SGSM1: variants seen among roughly 807,000 people sequenced by gnomAD.
SGSM1 encodes small G protein signaling modulator 1, also known as RUN and TBC1 domain containing 2.
In SGSM1, 73 loss-of-function variants were observed where a neutral mutation model predicts 133.8. The observed-to-expected ratio is 0.55, with a 90% CI of 0.45 to 0.66. The LOEUF (loss-of-function observed/expected upper bound fraction) is 0.66. Among genes scored for constraint, SGSM1 ranks in the 30% least tolerant of loss-of-function variants. The pLI is 0.00. For synonymous variants in SGSM1, 563 were observed against 573.0 expected (o/e 0.98, Z 0.25); for missense variants, 1,213 against 1,448.1 (o/e 0.84, Z 2.64).
intron 20 of SGSM1, among the ~76,000 whole-genome samples, chr22:24,903,488 A>G (rs1024798852): frequency 6.6e-6 from 1 of 152,158 alleles, no homozygotes; most frequent in African/African-American, 2.4e-5. Flanking sequence ...GATTACAGTC[A>G]TGAGCCATCG....
Position 24,919,914 on chromosome 22 carries a change from G to T in SGSM1, c.3114G>T (p.Ala1038=), listed in dbSNP as rs777302974. The T allele has an allele frequency of 5.6e-6, 9 of 1,613,976 alleles. 1 individual carries two copies. The Admixed American group carries it at 6.7e-5, about 12-fold the overall frequency. The change falls in exon 24 of 25, where the codon GCG becomes GCT. Residue 1038 remains alanine (A), a synonymous_variant. Coordinates refer to ENST00000400358, the MANE Select transcript of SGSM1 (RefSeq NM_001098497.3). ...CTGCGCACTACGTCCTGTTCATTGC[G>T]CTGGCTCTGGTGGAAGTCTACCGTG... ...VSSAHYVLFI[A]LALVEVYRDI...
intron 20 of SGSM1, among the ~76,000 whole-genome samples, chr22:24,903,982 A>C (rs1016682906): frequency 1.8e-5 from 1 of 55,910 alleles, no homozygotes; most frequent in Non-Finnish European, 3.1e-5. Flanking sequence ...CAACAAAAAG[A>C]AAAAAAAAAA....
chr22:24,823,031 C>T (rs907956900), intron 2 of SGSM1, among the ~76,000 whole-genome samples: 10 of 152,174 alleles, frequency 6.6e-5, no homozygotes, highest in African/African-American at 2.4e-4. Context: ...GTGCCAGGCT[C>T]AGTGCAGGAA....
chr22:24,835,846 G>A (rs938879345), intron 2 of SGSM1, among the ~76,000 whole-genome samples: 5 of 152,122 alleles, frequency 3.3e-5, no homozygotes, highest in Admixed American at 1.3e-4. Flanking sequence ...TGAGACGGGA[G>A]CCATGGAAGA....
chr22:24,911,781 G>C (rs566870122), intron 21 of SGSM1, among the ~76,000 whole-genome samples: 1 of 152,142 alleles, frequency 6.6e-6, no homozygotes. Context: ...GTCTCTAGGC[G>C]CGGTGGCTCA....
intron 9 of SGSM1, among the ~76,000 whole-genome samples, chr22:24,865,298 A>G (rs1266003294): frequency 3.3e-5 from 5 of 152,280 alleles, no homozygotes; most frequent in East Asian, 3.9e-4. Flanking sequence ...ACCCAGCGTG[A>G]TGGGCACACA....
At chr22:24,887,322 G>T (rs1932671893) in intron 16 of SGSM1, among the ~76,000 whole-genome samples, 1 of 151,946 alleles carries the variant, frequency 6.6e-6, no homozygotes, top group Non-Finnish European at 1.5e-5. Flanking sequence ...CTATAATTTT[G>T]TCATCTCAAG....
chr22:24,884,021 G>A lies in SGSM1; in HGVS notation c.1496-32G>A, dbSNP rs781117057. 5.7e-6 allele frequency: 9 copies of A among 1,569,928 alleles called. 1 individual carries two copies. Among genetic ancestry groups the A allele is most frequent in the Middle Eastern group, 3.7e-4 (2 of 5,376 alleles). On this transcript the variant is annotated intron_variant, in intron 14 of 24. Transcript: ENST00000400358. ...ACAAGGTGAGGGGCTTCAGGTGGTG[G>A]ATGATGACACTTTCCCTCCCTCCCT...
chr22:24,873,357 G>T (rs1243116941), intron 12 of SGSM1, among the ~76,000 whole-genome samples: 1 of 151,970 alleles, frequency 6.6e-6, no homozygotes, highest in Admixed American at 6.6e-5. Context: ...CTTGTGTGGG[G>T]GTTGCCTTGT....
At chr22:24,845,970 T>TC in intron 3 of SGSM1, among the ~76,000 whole-genome samples, 3 of 143,878 alleles carry the variant, frequency 2.1e-5, no homozygotes, top group Admixed American at 7.0e-5. Flanking sequence ...TCTTTCTTTC[T>TC]TTCTTTCTTT....
intron 20 of SGSM1, among the ~76,000 whole-genome samples, chr22:24,903,563 C>G (rs913582766): frequency 2.0e-5 from 3 of 151,992 alleles, no homozygotes; most frequent in Non-Finnish European, 2.9e-5. Context: ...ATAAGTGTTA[C>G]ATTAAAATGA....
intron 5 of SGSM1, 95 bp downstream of exon 5, chr22:24,850,527 T>C (rs1601920730): frequency 2.0e-6 from 3 of 1,498,156 alleles, no homozygotes. Flanking sequence ...GCTTTCTTTT[T>C]CCCCTTGACA....
At position 24,924,452 on chromosome 22, in the gene SGSM1, G is replaced by C. The variant is rs1934122888; in HGVS notation, c.*178G>C. The C allele has an allele frequency of 1.0e-5, 6 of 596,436 alleles. No homozygotes were observed. The Admixed American group carries it at 1.1e-4, about 11-fold the overall frequency. The allele number at this position is 596,436 out of a possible 1,614,324, so 36.9% of individuals were successfully genotyped here. Reference sequence around the variant, plus strand: ...TACTTCTGGGCAGATGGGGTGGAGGGAGTACCCCTTCAATTCAGCCTTACA... The same window carrying C: ...TACTTCTGGGCAGATGGGGTGGAGGCAGTACCCCTTCAATTCAGCCTTACA... On this transcript the variant is annotated 3_prime_UTR_variant, in exon 25 of 25. Transcript: ENST00000400358.
chr22:24,880,081 G>A (rs2147891874), intron 14 of SGSM1, among the ~76,000 whole-genome samples: 1 of 152,172 alleles, frequency 6.6e-6, no homozygotes, highest in African/African-American at 2.4e-5. Context: ...AAGCAGTAGA[G>A]CTGAGACTCA....
chr22:24,842,175 A>C (rs1225538982), intron 2 of SGSM1, among the ~76,000 whole-genome samples: 1 of 152,188 alleles, frequency 6.6e-6, no homozygotes, highest in Non-Finnish European at 1.5e-5. Flanking sequence ...GAGCAAAGGA[A>C]AGAAAGAGGT....
intron 10 of SGSM1, 31 bp downstream of exon 10, chr22:24,867,191 G>A (rs376230788): frequency 3.1e-5 from 50 of 1,606,188 alleles, no homozygotes; most frequent in South Asian, 1.9e-4. Flanking sequence ...AGGGGTCTGC[G>A]TATTCCTCTT....
chr22:24,829,787 C>T (rs57119124), intron 2 of SGSM1, among the ~76,000 whole-genome samples: 7,453 of 152,218 alleles, frequency 0.049, 635 homozygotes, highest in African/African-American at 0.17. Context: ...GTTCCTGGAA[C>T]GTAGTGAGTG....
At chr22:24,809,013 T>C (rs2051384412) in intron 2 of SGSM1, among the ~76,000 whole-genome samples, 9 of 152,204 alleles carry the variant, frequency 5.9e-5, no homozygotes, top group Admixed American at 5.9e-4. Flanking sequence ...GAGAACACTG[T>C]GGCCCAGAGA....
At chr22:24,850,551 A>G (rs1280345573) in intron 5 of SGSM1, 119 bp downstream of exon 5, 2 of 1,374,266 alleles carry the variant, frequency 1.5e-6, no homozygotes, top group Non-Finnish European at 1.9e-6. Context: ...ACTAAATTTG[A>G]AAGTGATTAA....
Sources: gnomAD v4.1 joint callset for allele counts (sites outside exome capture counted in the v4.1 genomes callset) on GRCh38, gnomAD v4.1.1 for gene constraint, MANE v1.5 for transcripts, NCBI Gene and HGNC (gene_info 2026-07-23, HGNC 2026-07-21) for gene names.